Variants in COPS7B observed in about 807,000 individuals in gnomAD.
COPS7B encodes the protein COP9 signalosome complex subunit 7b.
COPS7B carries 9 observed loss-of-function variants against 33.4 expected under a neutral mutation model. The observed-to-expected ratio is 0.27, with a 90% CI of 0.16 to 0.47. The LOEUF is 0.47. COPS7B is among the 20% of genes least tolerant of loss of function. COPS7B has a pLI of 0.99. For missense variants in COPS7B, 242 were observed against 318.2 expected (o/e 0.76, Z 1.82); for synonymous variants, 119 against 126.3 (o/e 0.94, Z 0.39).
chr2:231,804,500 G>T (rs1263100945), intron 6 of COPS7B, among the ~76,000 whole-genome samples: 1 of 152,188 alleles, frequency 6.6e-6, no homozygotes, highest in African/African-American at 2.4e-5. Flanking sequence ...GCCTGCCTCA[G>T]CCTCCCAAAG....
chr2:231,792,928 T>C (rs910858017), intron 3 of COPS7B, among the ~76,000 whole-genome samples: 1 of 152,228 alleles, frequency 6.6e-6, no homozygotes, highest in Non-Finnish European at 1.5e-5. Flanking sequence ...GCTGTCAGAC[T>C]GGACAGTTTG....
Position 231,794,354 on chromosome 2 carries a change from A to G in COPS7B, c.327+3A>G. On this transcript the variant is annotated splice_donor_region_variant and intron_variant, in intron 4 of 6. Coordinates refer to ENST00000350033, the MANE Select transcript of COPS7B (RefSeq NM_022730.4). ...TGAGCTTGGCATCAAGAATGAAGGT[A>G]CGGTACTGAGCCTTCTCTTGTCTTC... is the stretch of plus-strand genomic sequence containing the variant. 1 of 1,611,202 alleles carries G rather than the reference A, an allele frequency of 6.2e-7. No homozygotes were observed.
intron 3 of COPS7B, 151 bp downstream of exon 3, chr2:231,791,959 C>T: frequency 1.4e-6 from 1 of 722,720 alleles, no homozygotes; most frequent in East Asian, 2.7e-5. Flanking sequence ...GGTGACCTCA[C>T]AAAGGGAATG....
At chr2:231,801,857 C>T (rs1442435242) in intron 6 of COPS7B, among the ~76,000 whole-genome samples, 1 of 152,080 alleles carries the variant, frequency 6.6e-6, no homozygotes, top group Non-Finnish European at 1.5e-5. Flanking sequence ...CTACTGCAAC[C>T]TCCGCCTCCT....
At chr2:231,801,112 ATCTTT>A (rs2049732315) in intron 6 of COPS7B, 1 of 1,549,366 alleles carries the variant, frequency 6.5e-7, no homozygotes, top group South Asian at 1.2e-5. Flanking sequence ...CTGATTGGTG[ATCTTT>A]TCTTTATTTG....
chr2:231,797,990 C>T (rs970649185), intron 5 of COPS7B, among the ~76,000 whole-genome samples: 29 of 151,486 alleles, frequency 1.9e-4, no homozygotes, highest in South Asian at 2.1e-4. Flanking sequence ...CAGGTTCAAG[C>T]GATTCTCCTG....
At chr2:231,791,892 A>G in intron 3 of COPS7B, 84 bp downstream of exon 3, 1 of 1,259,854 alleles carries the variant, frequency 7.9e-7, no homozygotes, top group Non-Finnish European at 1.2e-6. Context: ...GATATAAAGC[A>G]TGGGGTAGTG....
intron 5 of COPS7B, among the ~76,000 whole-genome samples, chr2:231,796,888 T>G (rs1432417807): frequency 6.6e-6 from 1 of 152,236 alleles, no homozygotes; most frequent in Admixed American, 6.5e-5. Flanking sequence ...ATAACTATAC[T>G]CTGGTATATA....
intron 5 of COPS7B, among the ~76,000 whole-genome samples, chr2:231,798,373 C>T (rs1439051396): frequency 3.3e-5 from 5 of 151,192 alleles, no homozygotes; most frequent in African/African-American, 1.2e-4. Context: ...TCTCCTGCCT[C>T]AGCCTCCCAA....
intron 6 of COPS7B, chr2:231,801,023 CA>C: frequency 1.2e-6 from 1 of 816,060 alleles, no homozygotes; most frequent in South Asian, 1.6e-5. Context: ...TACAAAGAAT[CA>C]GGGTGATTCT....
chr2:231,800,693 G>T (rs56312879), intron 6 of COPS7B, among the ~76,000 whole-genome samples: 27,591 of 152,162 alleles, frequency 0.18, 2,839 homozygotes, highest in Non-Finnish European at 0.23. Context: ...ACAGAGGGTG[G>T]GTGTGTGCAC....
chr2:231,794,449 C>A (rs2049507136), intron 4 of COPS7B, 98 bp downstream of exon 4: 5 of 907,972 alleles, frequency 5.5e-6, no homozygotes, highest in Non-Finnish European at 8.5e-6. Flanking sequence ...AGGAGAGTCA[C>A]ATCATAAATG....
chr2:231,784,901 C>T (rs901079182), upstream of COPS7B, among the ~76,000 whole-genome samples: 2 of 152,260 alleles, frequency 1.3e-5, no homozygotes, highest in Non-Finnish European at 2.9e-5. Flanking sequence ...CAACCTCCAC[C>T]TCCTGGGTTC....
intron 6 of COPS7B, among the ~76,000 whole-genome samples, chr2:231,802,756 A>G (rs920656126): frequency 2.0e-5 from 3 of 152,238 alleles, no homozygotes; most frequent in Admixed American, 2.0e-4. Context: ...TGCGGTTACA[A>G]CTGCCCAGCT....
chr2:231,793,396 G>C (rs2049475832), intron 3 of COPS7B: 1 of 152,256 alleles, frequency 6.6e-6, no homozygotes, highest in Non-Finnish European at 1.5e-5. Flanking sequence ...TTGGAATCCA[G>C]AATTATCGTT....
upstream of COPS7B, among the ~76,000 whole-genome samples, chr2:231,784,943 G>T (rs2014806): frequency 9.0e-3 from 1,363 of 152,282 alleles, 33 homozygotes; most frequent in East Asian, 0.075. Flanking sequence ...CTCCAGAGTA[G>T]CTGAGATTAG....
chr2:231,793,360 G>GA (rs1215818299), intron 3 of COPS7B, among the ~76,000 whole-genome samples: 4 of 152,136 alleles, frequency 2.6e-5, no homozygotes, highest in African/African-American at 9.7e-5. Context: ...CCATGCTTAA[G>GA]AAAAAATCAG....
At chr2:231,787,862 G>A (rs1424139681) in intron 1 of COPS7B, among the ~76,000 whole-genome samples, 1 of 152,158 alleles carries the variant, frequency 6.6e-6, no homozygotes, top group African/African-American at 2.4e-5. Context: ...TACATCCGGT[G>A]CCTCTGTGTA....
intron 6 of COPS7B, among the ~76,000 whole-genome samples, chr2:231,802,770 G>A (rs1035337486): frequency 2.0e-5 from 3 of 152,260 alleles, no homozygotes; most frequent in Non-Finnish European, 2.9e-5. Context: ...CCCAGCTACT[G>A]GAAGAAGCTA....
Sources: allele counts gnomAD v4.1 joint callset (sites outside exome capture counted in the v4.1 genomes callset), GRCh38; gene constraint gnomAD v4.1.1; transcripts MANE v1.5; gene names NCBI Gene and HGNC (gene_info 2026-07-23, HGNC 2026-07-21).